The following ME1 variants were observed in gnomAD, a reference collection of about 807,000 sequenced individuals.
ME1 encodes the protein NADP-dependent malic enzyme.
ME1 carries 74 observed loss-of-function variants against 66.4 expected under a neutral mutation model. That is an observed-to-expected ratio of 1.11 (90% CI 0.92 to 1.35). The LOEUF (loss-of-function observed/expected upper bound fraction) is 1.35. ME1 is among the 40% of genes most tolerant of loss of function. ME1 has a pLI of 0.00. For missense variants in ME1, 750 were observed against 694.1 expected (o/e 1.08, Z -0.90); for synonymous variants, 251 against 235.6 (o/e 1.07, Z -0.60).
chr6:83,326,610 T>C (rs188572563), intron 5 of ME1, among the ~76,000 whole-genome samples: 3 of 152,248 alleles, frequency 2.0e-5, no homozygotes, highest in Non-Finnish European at 2.9e-5. Flanking sequence ...AAGGCATGTA[T>C]GTGGCCAAAA....
intron 6 of ME1, among the ~76,000 whole-genome samples, chr6:83,285,847 T>A (rs944252057): frequency 1.3e-5 from 2 of 152,238 alleles, no homozygotes; most frequent in African/African-American, 4.8e-5. Flanking sequence ...AGGGAAGTTA[T>A]GTTTAGGAAA....
intron 10 of ME1, among the ~76,000 whole-genome samples, chr6:83,227,727 C>T (rs1004179130): frequency 6.6e-6 from 1 of 152,136 alleles, no homozygotes; most frequent in Non-Finnish European, 1.5e-5. Flanking sequence ...ATTTGGCTTC[C>T]ATAGTACATT....
At chr6:83,363,651 A>G (rs1057475398) in intron 3 of ME1, among the ~76,000 whole-genome samples, 3 of 152,266 alleles carry the variant, frequency 2.0e-5, no homozygotes, top group African/African-American at 7.2e-5. Context: ...GTACTCATCA[A>G]TACCAACTAC....
At chr6:83,219,963 A>G (rs1790059780) in intron 12 of ME1, among the ~76,000 whole-genome samples, 1 of 152,098 alleles carries the variant, frequency 6.6e-6, no homozygotes, top group Admixed American at 6.6e-5. Context: ...CTGGTGTCAG[A>G]TCTGGCTCTA....
In ME1 at chr6:83,239,619, C is replaced by G. The variant is rs1372988518; in HGVS notation, c.832G>C (p.Val278Leu). 6 of 1,612,604 alleles carry G rather than the reference C, an allele frequency of 3.7e-6. No homozygotes were observed. Among genetic ancestry groups the G allele is most frequent in the Non-Finnish European group, 5.1e-6 (6 of 1,178,720 alleles). ...CGAAGAGCTGCAAGGAGACCTGCAA[C>G]TGCAACAGATGCTGTTCCTGAAACA... is the stretch of plus-strand genomic sequence containing the variant. ...DDIQGTASVA[V>L]AGLLAALRIT... is the part of the protein sequence containing the mutation. The change falls in exon 8 of 14, where the codon GTT (valine) becomes CTT (leucine). Residue 278 changes from valine to leucine, a missense_variant. Transcript: ENST00000369705.
intron 1 of ME1, among the ~76,000 whole-genome samples, chr6:83,421,915 C>T (rs1209318916): frequency 6.6e-6 from 1 of 152,086 alleles, no homozygotes; most frequent in East Asian, 1.9e-4. Flanking sequence ...AGGTCAAATG[C>T]CTGTTGCAAC....
intron 5 of ME1, among the ~76,000 whole-genome samples, chr6:83,340,488 G>A (rs557132207): frequency 2.0e-5 from 3 of 152,206 alleles, no homozygotes; most frequent in Non-Finnish European, 2.9e-5. Flanking sequence ...CTATGTTCAC[G>A]TGAGGTAACA....
intron 7 of ME1, among the ~76,000 whole-genome samples, chr6:83,242,578 G>A (rs747858484): frequency 1.3e-5 from 2 of 152,086 alleles, no homozygotes; most frequent in Non-Finnish European, 2.9e-5. Context: ...GACACAATGA[G>A]TAGGAAAAGC....
At chr6:83,330,837 G>A (rs1013097777) in intron 5 of ME1, among the ~76,000 whole-genome samples, 3 of 152,126 alleles carry the variant, frequency 2.0e-5, no homozygotes, top group East Asian at 1.9e-4. Context: ...AATTTAGAGA[G>A]GGTGGGGCAA....
chr6:83,346,477 AAATTGT>A (rs1191083763), intron 4 of ME1, 143 bp from the exon 5 acceptor site: 1 of 504,452 alleles, frequency 2.0e-6, no homozygotes, highest in Non-Finnish European at 3.3e-6. Context: ...AAGATTTTAT[AAATTGT>A]AATTGTGGAA....
intron 5 of ME1, among the ~76,000 whole-genome samples, chr6:83,317,699 T>C (rs1216433202): frequency 6.6e-6 from 1 of 152,188 alleles, no homozygotes; most frequent in African/African-American, 2.4e-5. Context: ...GTAGGAAGAA[T>C]CAATATCGTG....
At chr6:83,269,291 T>G (rs1583349074) in intron 6 of ME1, among the ~76,000 whole-genome samples, 1 of 152,176 alleles carries the variant, frequency 6.6e-6, no homozygotes, top group Non-Finnish European at 1.5e-5. Flanking sequence ...ATATAATACA[T>G]AGACAAGACA....
intron 7 of ME1, among the ~76,000 whole-genome samples, chr6:83,251,446 A>C (rs1201840057): frequency 6.6e-6 from 1 of 151,994 alleles, no homozygotes; most frequent in East Asian, 1.9e-4. Flanking sequence ...GTGAGCCAAG[A>C]TTGCACCACT....
intron 6 of ME1, among the ~76,000 whole-genome samples, chr6:83,270,392 C>T (rs754789971): frequency 4.6e-5 from 7 of 151,310 alleles, no homozygotes; most frequent in Non-Finnish European, 8.9e-5. Flanking sequence ...TTCTCCCTAA[C>T]GCCTTCTCAA....
intron 10 of ME1, 129 bp from the exon 11 acceptor site, chr6:83,227,606 C>T (rs944341015): frequency 2.1e-5 from 15 of 723,408 alleles, no homozygotes; most frequent in Non-Finnish European, 3.1e-5. Flanking sequence ...GCTATATAAA[C>T]TATTTGTATT....
intron 3 of ME1, among the ~76,000 whole-genome samples, chr6:83,389,526 A>C (rs1180804200): frequency 6.6e-6 from 1 of 152,190 alleles, no homozygotes; most frequent in African/African-American, 2.4e-5. Context: ...CAAAAGTAGG[A>C]ACATGAATAA....
intron 8 of ME1, 50 bp from the exon 9 acceptor site, chr6:83,237,880 T>C (rs1203537934): frequency 7.2e-6 from 7 of 968,886 alleles, no homozygotes; most frequent in Middle Eastern, 2.3e-4. Context: ...TGATATCTTA[T>C]TAAGGGTTAC....
At chr6:83,378,678 T>G (rs535365951) in intron 3 of ME1, among the ~76,000 whole-genome samples, 1 of 150,258 alleles carries the variant, frequency 6.7e-6, no homozygotes, top group Non-Finnish European at 1.5e-5. Flanking sequence ...TCTTCCTCTT[T>G]TTTTTTTTTT....
At chr6:83,329,849 C>A (rs1190967436) in intron 5 of ME1, among the ~76,000 whole-genome samples, 1 of 152,072 alleles carries the variant, frequency 6.6e-6, no homozygotes, top group Non-Finnish European at 1.5e-5. Context: ...GAGACAAGTT[C>A]TCACTCTGTT....
Sources: allele counts gnomAD v4.1 joint callset (sites outside exome capture counted in the v4.1 genomes callset), GRCh38; gene constraint gnomAD v4.1.1; transcripts MANE v1.5; gene names NCBI Gene and HGNC (gene_info 2026-07-23, HGNC 2026-07-21).